CFHR5: variants seen among roughly 807,000 people sequenced by gnomAD.
CFHR5 encodes the protein complement factor H related 5.
CFHR5 carries 73 observed loss-of-function variants against 62.9 expected under a neutral mutation model. The ratio of observed to expected loss-of-function variants is 1.16; its 90% CI spans 0.96 to 1.41. CFHR5 has a LOEUF of 1.41. Among genes scored for constraint, CFHR5 ranks in the 40% most tolerant of loss-of-function variants. The pLI, the probability that CFHR5 is intolerant of heterozygous loss-of-function variation, is 0.00. For missense variants in CFHR5, 779 were observed against 679.9 expected (o/e 1.15, Z -1.62); for synonymous variants, 249 against 227.2 (o/e 1.10, Z -0.86).
At chr1:197,003,261 A>G (rs1185118068) in intron 8 of CFHR5, among the ~76,000 whole-genome samples, 4 of 152,188 alleles carry the variant, frequency 2.6e-5, no homozygotes, top group African/African-American at 4.8e-5. Flanking sequence ...TAATGCTGGC[A>G]GTAATGCTCA....
Position 196,998,683 on chromosome 1 carries a change from C to G in CFHR5, c.1147+379C>G, listed in dbSNP as rs571332917. On this transcript the variant is annotated intron_variant, in intron 7 of 9. Coordinates refer to ENST00000256785, the MANE Select transcript of CFHR5 (RefSeq NM_030787.4). ...TGCCAATTCTGGACCAGACAGTAGG[C>G]TGAGTAAAAAGTAGGCTGAGAAAGA... Among the ~76,000 whole-genome samples the G allele has an allele frequency of 8.5e-5, 13 of 152,062 alleles. No homozygotes were observed. In the South Asian group the frequency reaches 2.7e-3, roughly 32 times the overall value.
intron 3 of CFHR5, 72 bp from the exon 4 acceptor site, chr1:196,994,008 T>C: frequency 1.6e-6 from 2 of 1,234,192 alleles, no homozygotes; most frequent in South Asian, 1.2e-5. Context: ...TTGCATCTTA[T>C]TTTTATATAG....
intron 1 of CFHR5, 30 bp downstream of exon 1, chr1:196,977,752 G>T: frequency 1.3e-6 from 2 of 1,532,122 alleles, no homozygotes; most frequent in Middle Eastern, 1.7e-4. Flanking sequence ...GAATATTTTA[G>T]TTCCTTTTCA....
At chr1:197,006,833 C>CT in intron 9 of CFHR5, among the ~76,000 whole-genome samples, 1 of 151,856 alleles carries the variant, frequency 6.6e-6, no homozygotes, top group Admixed American at 6.6e-5. Flanking sequence ...GACATAGCAT[C>CT]TTTTTTTATT....
At chr1:196,990,999 C>T (rs914361992) in intron 3 of CFHR5, among the ~76,000 whole-genome samples, 5 of 152,010 alleles carry the variant, frequency 3.3e-5, no homozygotes, top group African/African-American at 1.2e-4. Flanking sequence ...CTTTCAGGTA[C>T]AGCAATCAAA....
At chr1:196,994,588 TTAAG>T (rs943858841) in intron 4 of CFHR5, among the ~76,000 whole-genome samples, 3 of 152,178 alleles carry the variant, frequency 2.0e-5, no homozygotes, top group African/African-American at 7.2e-5. Flanking sequence ...TTATATTTTA[TTAAG>T]TAATTAAGAA....
intron 3 of CFHR5, among the ~76,000 whole-genome samples, 176 bp downstream of exon 3, chr1:196,984,313 A>G (rs1414606815): frequency 1.3e-5 from 2 of 152,214 alleles, no homozygotes; most frequent in African/African-American, 2.4e-5. Context: ...GCCTACCTAT[A>G]TAAATCAAAT....
At chr1:196,997,552 G>A (rs1483849300) in intron 6 of CFHR5, among the ~76,000 whole-genome samples, 1 of 152,086 alleles carries the variant, frequency 6.6e-6, no homozygotes, top group Non-Finnish European at 1.5e-5. Context: ...AGACAAGCAA[G>A]AGGCTTAGTA....
At chr1:196,999,848 A>G (rs1039874232) in intron 7 of CFHR5, among the ~76,000 whole-genome samples, 2 of 149,006 alleles carry the variant, frequency 1.3e-5, no homozygotes, top group Admixed American at 6.8e-5. Context: ...ATATATATGT[A>G]TATCCTAAAA....
chr1:196,987,586 G>A (rs1286241414), intron 3 of CFHR5, among the ~76,000 whole-genome samples: 1 of 152,110 alleles, frequency 6.6e-6, no homozygotes, highest in Non-Finnish European at 1.5e-5. Flanking sequence ...CATATGGCCA[G>A]GCAGTTTTCC....
rs555023889 is a variant in CFHR5, at chr1:196,982,692, C to A, written c.59-193C>A. ...AACTCCCTCTCAAAAAAAAAAAGAT[C>A]TCCTCAAATACTCTTCTATTCTTAT... On this transcript the variant is annotated intron_variant, in intron 1 of 9. Coordinates refer to ENST00000256785, the MANE Select transcript of CFHR5 (RefSeq NM_030787.4). Among the ~76,000 whole-genome samples, 4 of 151,842 alleles carry A rather than the reference C, an allele frequency of 2.6e-5. No individual in the cohort carries two copies. The East Asian group carries it at 7.8e-4, about 29-fold the overall frequency.
chr1:197,004,259 T>C (rs1006253255), intron 8 of CFHR5, among the ~76,000 whole-genome samples: 12 of 152,226 alleles, frequency 7.9e-5, no homozygotes, highest in African/African-American at 2.9e-4. Context: ...CAATTCATTT[T>C]CAGTAAAACT....
At chr1:196,987,781 A>G (rs1276357473) in intron 3 of CFHR5, among the ~76,000 whole-genome samples, 2 of 152,098 alleles carry the variant, frequency 1.3e-5, no homozygotes, top group South Asian at 2.1e-4. Context: ...GCCTTGTAGT[A>G]TAGTTTGAAG....
At chr1:197,001,041 T>A (rs1192131935) in intron 7 of CFHR5, among the ~76,000 whole-genome samples, 1 of 152,186 alleles carries the variant, frequency 6.6e-6, no homozygotes, top group Non-Finnish European at 1.5e-5. Flanking sequence ...CAGGCTAATT[T>A]TATTTTCTTT....
intron 1 of CFHR5, among the ~76,000 whole-genome samples, chr1:196,979,252 T>TTGTG (rs1304002381): frequency 6.0e-3 from 606 of 101,004 alleles, no homozygotes; most frequent in African/African-American, 0.03. Context: ...ATATAGGTAA[T>TTGTG]TGTCTGTGTG....
chr1:197,008,460 A>T (rs539821013), intron 9 of CFHR5, 27 bp from the exon 10 acceptor site: 6 of 1,360,400 alleles, frequency 4.4e-6, no homozygotes, highest in South Asian at 1.4e-5. Context: ...TTATTTATTT[A>T]TTTTATTTTA....
At chr1:196,991,421 A>T (rs2125031856) in intron 3 of CFHR5, among the ~76,000 whole-genome samples, 1 of 152,270 alleles carries the variant, frequency 6.6e-6, no homozygotes, top group Middle Eastern at 3.4e-3. Flanking sequence ...GTGAGGAGCT[A>T]TGATCCTTTG....
At chr1:196,997,121 C>T (rs1654012807) in intron 6 of CFHR5, among the ~76,000 whole-genome samples, 1 of 152,072 alleles carries the variant, frequency 6.6e-6, no homozygotes, top group Non-Finnish European at 1.5e-5. Context: ...AACAGAACCG[C>T]CTCTCTCTCC....
intron 3 of CFHR5, among the ~76,000 whole-genome samples, chr1:196,988,301 C>A (rs1247222941): frequency 1.3e-5 from 2 of 152,146 alleles, no homozygotes; most frequent in East Asian, 3.8e-4. Flanking sequence ...AATATACAAT[C>A]ATGTCATCTG....
Sources: allele counts gnomAD v4.1 joint callset (sites outside exome capture counted in the v4.1 genomes callset), GRCh38; gene constraint gnomAD v4.1.1; transcripts MANE v1.5; gene names NCBI Gene and HGNC (gene_info 2026-07-23, HGNC 2026-07-21).